COX16: variants seen among roughly 807,000 people sequenced by gnomAD.
COX16 encodes cytochrome c oxidase assembly protein COX16 homolog, mitochondrial.
In COX16, 12 loss-of-function variants were observed where a neutral mutation model predicts 15.4. The observed-to-expected ratio is 0.78, with a 90% CI of 0.50 to 1.26. COX16 has a LOEUF of 1.26. COX16 is among the 50% of genes most tolerant of loss of function. The pLI, the probability that COX16 is intolerant of heterozygous loss-of-function variation, is 0.00. For missense variants in COX16, 124 were observed against 127.6 expected, an observed-to-expected ratio of 0.97 and a Z score of 0.14; for synonymous variants, 46 against 41.1, an observed-to-expected ratio of 1.12 and a Z score of -0.46.
chr14:70,333,540 GAAAA>G (rs1284782023), intron 2 of COX16, among the ~76,000 whole-genome samples: 1 of 151,766 alleles, frequency 6.6e-6, no homozygotes, highest in African/African-American at 2.4e-5. Flanking sequence ...AGTAAGAAGA[GAAAA>G]AAGGAAAAAG....
At chr14:70,328,249 A>G (rs748003474) in intron 3 of COX16, 4 of 36,134 alleles carry the variant, frequency 1.1e-4, no homozygotes, top group Non-Finnish European at 2.2e-4. Context: ...GAGAAGGGCC[A>G]AGGAAAGATA....
intron 1 of COX16, among the ~76,000 whole-genome samples, chr14:70,350,656 C>T (rs1489832742): frequency 1.3e-5 from 2 of 152,168 alleles, no homozygotes; most frequent in East Asian, 3.8e-4. Flanking sequence ...CAACTTACAC[C>T]TAACTATACG....
chr14:70,356,394 C>T (rs1887127250), intron 1 of COX16, among the ~76,000 whole-genome samples: 1 of 152,066 alleles, frequency 6.6e-6, no homozygotes. Context: ...GCAATAATGC[C>T]CACTCACCTA....
At chr14:70,345,672 A>T (rs1886756395) in intron 1 of COX16, among the ~76,000 whole-genome samples, 1 of 152,208 alleles carries the variant, frequency 6.6e-6, no homozygotes, top group Non-Finnish European at 1.5e-5. Flanking sequence ...ATTGCCGACG[A>T]CTGGAAAAAT....
At position 70,359,548 on chromosome 14, in the gene COX16, T is replaced by C; in HGVS notation, c.40A>G (p.Lys14Glu). Residue 14 changes from lysine (K) to glutamate (E), a missense_variant, in exon 1 of 4, where the codon AAG (lysine) becomes GAG (glutamate). Physicochemically the swap from Lys to Glu is moderately conservative, Grantham distance 56 (BLOSUM62 1). Transcript: ENST00000389912. ...ATGGGGACTCCATAGCCGAGAGTCT[T>C]GTTCTTGCGAAAAGCACGCATCACC... Reference protein sequence around the residue: ...PAVMRAFRKNKTLGYGVPMLL... With the variant: ...PAVMRAFRKNETLGYGVPMLL... The C allele has an allele frequency of 6.2e-7, 1 of 1,614,126 alleles. No homozygotes were observed. Among genetic ancestry groups the C allele is most frequent in the Non-Finnish European group, 8.5e-7 (1 of 1,179,992 alleles).
intron 1 of COX16, among the ~76,000 whole-genome samples, chr14:70,354,841 C>CGT (rs55646280): frequency 0.073 from 10,897 of 148,896 alleles, 555 homozygotes; most frequent in Non-Finnish European, 0.11. Flanking sequence ...TGTGTGTGTG[C>CGT]GTGTGTGTGT....
chr14:70,350,926 T>C (rs1245583006), intron 1 of COX16, among the ~76,000 whole-genome samples: 1 of 152,242 alleles, frequency 6.6e-6, no homozygotes, highest in African/African-American at 2.4e-5. Context: ...AAAACTTCTA[T>C]AGACTGGACT....
At chr14:70,339,064 G>A (rs1213971685) in intron 2 of COX16, among the ~76,000 whole-genome samples, 6 of 151,978 alleles carry the variant, frequency 3.9e-5, no homozygotes, top group East Asian at 3.9e-4. Flanking sequence ...TAGAAAACAC[G>A]GTCACAATAT....
At chr14:70,329,358 C>A (rs556146158) in intron 2 of COX16, 122 bp from the exon 3 acceptor site, 2 of 725,820 alleles carry the variant, frequency 2.8e-6, no homozygotes, top group Non-Finnish European at 4.3e-6. Context: ...ATGGCAAAAT[C>A]TCCACCATCT....
rs150201406 is a variant in COX16 at position 70,326,547 on chromosome 14, A to T, written c.205-98T>A. 739 of 800,006 alleles carry T rather than the reference A, an allele frequency of 9.2e-4. 3 individuals are homozygous for T. In the African/African-American group the frequency reaches 0.012, roughly 13 times the overall value. 49.6% of individuals were successfully genotyped at this position (800,006 alleles called of 1,614,324 possible). On this transcript the variant is annotated intron_variant, in intron 3 of 3. Coordinates refer to ENST00000389912, the MANE Select transcript of COX16 (RefSeq NM_016468.7). The stretch of plus-strand genomic sequence containing the variant: ...CTCAATGAATAAATGAGTAGAAAGT[A>T]TCCGATAGGTCCTCGATTACAACTG...
At position 70,325,148 on chromosome 14, in the gene COX16, A is replaced by G. The variant is rs1345337545; in HGVS notation, c.*1185T>C. On this transcript the variant is annotated 3_prime_UTR_variant, in exon 4 of 4. Coordinates refer to ENST00000389912, the MANE Select transcript of COX16 (RefSeq NM_016468.7). ...AATACAAATTTTGACTAGGAGGAGA[A>G]AGGGGGAGTGGATTTATGATTTTAT... The G allele has an allele frequency of 6.6e-6, 1 of 152,208 alleles. No homozygotes were observed. The highest frequency in any genetic ancestry group is 2.4e-5 in the African/African-American group (1 of 41,456). The allele number at this position is 152,208 out of a possible 1,614,324, so 9.4% of individuals were successfully genotyped here. A position where few individuals can be genotyped will look rare whatever the true frequency, so the allele number is the denominator to read the frequency against.
At chr14:70,359,424 C>G (rs540160755) in intron 1 of COX16, 95 bp downstream of exon 1, 8 of 1,185,692 alleles carry the variant, frequency 6.7e-6, no homozygotes, top group Non-Finnish European at 1.0e-5. Flanking sequence ...AGTGCCAGCC[C>G]TTAACTTCAC....
intron 3 of COX16, among the ~76,000 whole-genome samples, chr14:70,327,644 T>A (rs1886124830): frequency 6.6e-6 from 1 of 152,176 alleles, no homozygotes; most frequent in East Asian, 1.9e-4. Context: ...TGAAATGATC[T>A]AAAGTTATTA....
Position 70,345,929 on chromosome 14 carries a change from A to C in COX16, c.70-3200T>G, listed in dbSNP as rs143046241. The stretch of plus-strand genomic sequence containing the variant: ...CCTCCTCGTTGTCTTCTCAGCTGCC[A>C]TCTTCCCAGCTGCCATCTTCCCAGT... On this transcript the variant is annotated intron_variant, in intron 1 of 3. Transcript: ENST00000389912. 8.6e-5 allele frequency among the ~76,000 whole-genome samples: 13 copies of C among 151,300 alleles called. No homozygotes were observed. In the East Asian group the frequency reaches 2.4e-3, roughly 27 times the overall value.
At chr14:70,329,867 A>T (rs1389570752) in intron 2 of COX16, among the ~76,000 whole-genome samples, 1 of 152,090 alleles carries the variant, frequency 6.6e-6, no homozygotes, top group Non-Finnish European at 1.5e-5. Context: ...AAAAGCAAAG[A>T]TCAAATAAGT....
Position 70,337,895 on chromosome 14 carries a change from T to C in COX16, c.141+4763A>G, listed in dbSNP as rs190371120. On this transcript the variant is annotated intron_variant, in intron 2 of 3. Coordinates refer to ENST00000389912, the MANE Select transcript of COX16 (RefSeq NM_016468.7). ...CTAGAAGATAACACAATAGAAAATA[T>C]ACAAAATAAAGTACAAAAAAAAAAT... Among the ~76,000 whole-genome samples the C allele has an allele frequency of 3.7e-3, 552 of 149,530 alleles. 7 individuals are homozygous for C. Among genetic ancestry groups the C allele is most frequent in the South Asian group, 5.3e-3 (25 of 4,720 alleles).
rs111353411 is a variant in COX16, at chr14:70,359,659, C to A, written c.-72G>T. On this transcript the variant is annotated 5_prime_UTR_variant, in exon 1 of 4. Transcript: ENST00000389912. ...GACTCCCAAATCTCAGCAGCTCACGCTCTCACCAAGACGAGTACGTCCTTA... is the reference window on the plus strand; with the variant it reads ...GACTCCCAAATCTCAGCAGCTCACGATCTCACCAAGACGAGTACGTCCTTA... 12 of 1,378,892 alleles carry A rather than the reference C, an allele frequency of 8.7e-6. No homozygotes were observed. In the East Asian group the frequency reaches 2.1e-4, roughly 24 times the overall value. 85.4% of individuals were successfully genotyped at this position (1,378,892 alleles called of 1,614,324 possible).
Position 70,325,656 on chromosome 14 carries a change from A to G in COX16, c.*677T>C, listed in dbSNP as rs1204558997. ...GCATAATTTTTAGTATTATCTTAGT[A>G]TTTCTCAAAATGTAGTCATCTATGG... is the stretch of plus-strand genomic sequence containing the variant. On this transcript the variant is annotated 3_prime_UTR_variant, in exon 4 of 4. Coordinates refer to ENST00000389912, the MANE Select transcript of COX16 (RefSeq NM_016468.7). 1 of 150,026 alleles carries G rather than the reference A, an allele frequency of 6.7e-6. No individual in the cohort carries two copies. The highest frequency in any genetic ancestry group is 1.5e-5 in the Non-Finnish European group (1 of 67,644). The allele number at this position is 150,026 out of a possible 1,614,324, so 9.3% of individuals were successfully genotyped here.
chr14:70,359,530 C>T lies in COX16; in HGVS notation c.58G>A (p.Val20Ile), dbSNP rs1285516396. The T allele has an allele frequency of 2.5e-6, 4 of 1,614,068 alleles. No homozygotes were observed. The highest frequency in any genetic ancestry group is 1.7e-6 in the Non-Finnish European group (2 of 1,179,934). The stretch of plus-strand genomic sequence containing the variant: ...CTCACTCCACTCACCAACATGGGGA[C>T]TCCATAGCCGAGAGTCTTGTTCTTG... ...FRKNKTLGYG[V>I]PMLLLIVGGS... is the part of the protein sequence containing the mutation. The change falls in exon 1 of 4, where the codon GTC becomes ATC. Residue 20 changes from valine to isoleucine, a missense_variant. Physicochemically the swap from Val to Ile is conservative, Grantham distance 29. Coordinates refer to ENST00000389912, the MANE Select transcript of COX16 (RefSeq NM_016468.7).
Sources: allele counts gnomAD v4.1 joint callset (sites outside exome capture counted in the v4.1 genomes callset), GRCh38; gene constraint gnomAD v4.1.1; transcripts MANE v1.5; gene names NCBI Gene and HGNC (gene_info 2026-07-23, HGNC 2026-07-21).